The following BMPER variants were observed in gnomAD, a reference collection of about 807,000 sequenced individuals.
The protein encoded by BMPER is BMP binding endothelial regulator, also known as BMP-binding endothelial regulator protein.
A neutral mutation model predicts 87.3 loss-of-function variants in BMPER; 45 were observed. The observed-to-expected ratio is 0.52, with a 90% CI of 0.41 to 0.66. The LOEUF (loss-of-function observed/expected upper bound fraction) is 0.66, where lower values mean the gene tolerates loss of function less well. Among genes scored for constraint, BMPER ranks in the 30% least tolerant of loss-of-function variants. BMPER has a pLI of 0.00. For synonymous variants in BMPER, 326 were observed against 316.2 expected (o/e 1.03, Z -0.33); for missense variants, 784 against 867.5 (o/e 0.90, Z 1.21).
intron 6 of BMPER, among the ~76,000 whole-genome samples, chr7:34,029,706 C>T (rs1435801771): frequency 6.6e-6 from 1 of 151,948 alleles, no homozygotes; most frequent in Non-Finnish European, 1.5e-5. Flanking sequence ...TTTAAGGCCT[C>T]CCAGAGCAGG....
chr7:33,952,702 G>C (rs537751605), intron 3 of BMPER, among the ~76,000 whole-genome samples: 1 of 152,152 alleles, frequency 6.6e-6, no homozygotes, highest in Admixed American at 6.6e-5. Context: ...GATGCTGAAT[G>C]GTAAATGTTC....
At chr7:34,114,167 C>T (rs1790053001) in intron 13 of BMPER, among the ~76,000 whole-genome samples, 1 of 152,188 alleles carries the variant, frequency 6.6e-6, no homozygotes, top group South Asian at 2.1e-4. Context: ...TCAACATCTG[C>T]ACATGTTTTT....
chr7:34,126,306 A>G (rs1056770054), intron 13 of BMPER, among the ~76,000 whole-genome samples: 1 of 152,226 alleles, frequency 6.6e-6, no homozygotes, highest in Admixed American at 6.5e-5. Context: ...CTAAATGGAG[A>G]TGAAGGTGTA....
chr7:34,123,497 T>C (rs1790314558), intron 13 of BMPER, among the ~76,000 whole-genome samples: 1 of 152,210 alleles, frequency 6.6e-6, no homozygotes, highest in Non-Finnish European at 1.5e-5. Context: ...GTCAGAATCT[T>C]CTAAGCTGTG....
At chr7:33,935,153 C>A (rs1784573010) in intron 2 of BMPER, among the ~76,000 whole-genome samples, 2 of 152,066 alleles carry the variant, frequency 1.3e-5, no homozygotes, top group South Asian at 2.1e-4. Context: ...AGGGCTGTGC[C>A]TTATAGTTAG....
intron 8 of BMPER, among the ~76,000 whole-genome samples, chr7:34,054,854 G>T (rs1164993772): frequency 6.6e-6 from 1 of 152,202 alleles, no homozygotes; most frequent in African/African-American, 2.4e-5. Flanking sequence ...CTGGTGGTTC[G>T]TGGGGAGCTG....
intron 13 of BMPER, among the ~76,000 whole-genome samples, chr7:34,108,990 T>A (rs2127985370): frequency 6.6e-6 from 1 of 152,342 alleles, no homozygotes; most frequent in Non-Finnish European, 1.5e-5. Context: ...AGAACCAATA[T>A]GATATGTGTA....
chr7:33,971,508 A>AT (rs1300532234), intron 5 of BMPER, among the ~76,000 whole-genome samples: 1 of 151,958 alleles, frequency 6.6e-6, no homozygotes, highest in African/African-American at 2.4e-5. Flanking sequence ...AAGTAAAATT[A>AT]TTTTTTCCAT....
chr7:34,132,561 A>G (rs1790621864), intron 13 of BMPER, among the ~76,000 whole-genome samples: 1 of 152,242 alleles, frequency 6.6e-6, no homozygotes, highest in South Asian at 2.1e-4. Flanking sequence ...TGAGGGGACT[A>G]GAACAATTTC....
intron 6 of BMPER, among the ~76,000 whole-genome samples, chr7:33,982,021 T>C (rs1785877258): frequency 6.6e-6 from 1 of 152,106 alleles, no homozygotes; most frequent in Non-Finnish European, 1.5e-5. Flanking sequence ...ATCCTCAGAG[T>C]TGACCTTGCT....
At chr7:33,979,057 G>A (rs985486424) in intron 6 of BMPER, among the ~76,000 whole-genome samples, 4 of 152,020 alleles carry the variant, frequency 2.6e-5, no homozygotes, top group Admixed American at 6.6e-5. Flanking sequence ...GGTCCGCAGC[G>A]ACAGAGTCAG....
chr7:34,130,728 A>G (rs1034708239), intron 13 of BMPER, among the ~76,000 whole-genome samples: 3 of 152,190 alleles, frequency 2.0e-5, no homozygotes, highest in African/African-American at 7.2e-5. Flanking sequence ...CAAGAATGCC[A>G]GGAGAATGTT....
intron 6 of BMPER, 139 bp from the exon 7 acceptor site, chr7:34,046,167 G>C (rs1468962538): frequency 1.2e-6 from 1 of 811,858 alleles, no homozygotes; most frequent in African/African-American, 1.7e-5. Context: ...GACGCTTGGG[G>C]AAAATCACAT....
rs778499841 is a variant in BMPER, at chr7:34,058,091, C to T, written c.960C>T (p.Thr320=). 8 of 1,613,998 alleles carry T rather than the reference C, an allele frequency of 5.0e-6. No individual in the cohort carries two copies. The highest frequency in any genetic ancestry group is 6.8e-6 in the Non-Finnish European group (8 of 1,180,030). The change falls in exon 10 of 15, where the codon ACC becomes ACT. Residue 320 remains threonine (T), a synonymous_variant. Transcript: ENST00000649409. The part of the protein sequence containing the change: ...DGEMWSSINC[T]ICACVKGRTE... ...AGATGTGGTCCTCTATCAATTGTAC[C>T]ATCTGTGCTTGTGTGAAAGGCAGGA...
chr7:34,146,906 T>C (rs1271554663), intron 14 of BMPER, among the ~76,000 whole-genome samples: 1 of 152,236 alleles, frequency 6.6e-6, no homozygotes, highest in Admixed American at 6.5e-5. Flanking sequence ...ATTTGTTTGT[T>C]CCCTATCACT....
chr7:33,970,559 A>G (rs1403282376), intron 5 of BMPER, 140 bp downstream of exon 5: 4 of 893,316 alleles, frequency 4.5e-6, no homozygotes, highest in Non-Finnish European at 5.5e-6. Context: ...GCTCCTTTGC[A>G]TAGAAATATC....
intron 3 of BMPER, among the ~76,000 whole-genome samples, chr7:33,949,604 T>A (rs1189853918): frequency 1.3e-5 from 2 of 152,094 alleles, no homozygotes; most frequent in Non-Finnish European, 2.9e-5. Flanking sequence ...CCACTGTGTT[T>A]TTTTTTTTCC....
rs886062296 is a variant in BMPER at position 33,970,332 on chromosome 7, G to A, written c.406G>A (p.Gly136Ser). The change falls in exon 5 of 15, where the codon GGC becomes AGC. Residue 136 changes from glycine (G) to serine (S), a missense_variant. Gly to Ser is a moderately conservative substitution (Grantham distance 56, BLOSUM62 0). Coordinates refer to ENST00000649409, the MANE Select transcript of BMPER (RefSeq NM_001365308.1). ...EPCVLRQCQE[G>S]VVTESGVRCV... The stretch of plus-strand genomic sequence containing the variant: ...CTTGTTTTGTTCTGTGTTTCAGGAG[G>A]GCGTTGTCACAGAGTCTGGGGTGCG... 5 of 1,613,600 alleles carry A rather than the reference G, an allele frequency of 3.1e-6. No homozygotes were observed. Among genetic ancestry groups the A allele is most frequent in the Non-Finnish European group, 4.2e-6 (5 of 1,179,692 alleles).
At chr7:34,028,599 C>CTTTTTTTTT (rs1787425304) in intron 6 of BMPER, among the ~76,000 whole-genome samples, 4 of 11,730 alleles carry the variant, frequency 3.4e-4, no homozygotes, top group Admixed American at 9.8e-4. Context: ...ATCATTTTTT[C>CTTTTTTTTT]TGTTTTTTTT....
Sources: allele counts gnomAD v4.1 joint callset (sites outside exome capture counted in the v4.1 genomes callset), GRCh38; gene constraint gnomAD v4.1.1; transcripts MANE v1.5; gene names NCBI Gene and HGNC (gene_info 2026-07-23, HGNC 2026-07-21).